The following GPC5 variants were observed in gnomAD, a reference collection of about 807,000 sequenced individuals.
GPC5 encodes glypican 5.
In GPC5, 47 loss-of-function variants were observed where a neutral mutation model predicts 53.9. The observed-to-expected ratio is 0.87, with a 90% confidence interval of 0.69 to 1.11. The LOEUF (loss-of-function observed/expected upper bound fraction) is 1.11, where lower values mean the gene tolerates loss of function less well. Among genes scored for constraint, GPC5 ranks in the 50% most tolerant of loss-of-function variants. The probability of loss-of-function intolerance (pLI) is 0.00; values close to 1 mark genes in which losing one functional copy is unlikely to be tolerated. For synonymous variants in GPC5, 286 were observed against 263.3 expected (o/e 1.09, Z -0.84); for missense variants, 748 against 713.1 (o/e 1.05, Z -0.56).
intron 6 of GPC5, among the ~76,000 whole-genome samples, chr13:92,124,275 T>TAAAAAAA (rs2041676442): frequency 8.7e-6 from 1 of 114,860 alleles, no homozygotes; most frequent in African/African-American, 3.7e-5. Context: ...AAAAAAAAAC[T>TAAAAAAA]AGTTCTCTCA....
intron 7 of GPC5, among the ~76,000 whole-genome samples, chr13:92,503,395 C>A (rs1444679604): frequency 6.6e-6 from 1 of 151,574 alleles, no homozygotes. Flanking sequence ...GCAGCTAAAG[C>A]AGTGCTTAGC....
chr13:91,831,866 G>A (rs1255587842), intron 5 of GPC5, among the ~76,000 whole-genome samples: 1 of 152,028 alleles, frequency 6.6e-6, no homozygotes, highest in African/African-American at 2.4e-5. Flanking sequence ...GCTGAGGAGT[G>A]CTTTACTTCC....
At chr13:92,060,996 A>G (rs1486037984) in intron 6 of GPC5, among the ~76,000 whole-genome samples, 1 of 152,004 alleles carries the variant, frequency 6.6e-6, no homozygotes, top group East Asian at 1.9e-4. Context: ...TAAGACAATG[A>G]CTGCAAAACA....
At chr13:91,905,850 C>T (rs538400950) in intron 5 of GPC5, among the ~76,000 whole-genome samples, 1 of 152,032 alleles carries the variant, frequency 6.6e-6, no homozygotes, top group Admixed American at 6.6e-5. Flanking sequence ...TGTAAGCAAA[C>T]AAATTACTCA....
At chr13:91,893,864 C>T (rs181551256) in intron 5 of GPC5, among the ~76,000 whole-genome samples, 50 of 151,804 alleles carry the variant, frequency 3.3e-4, no homozygotes, top group African/African-American at 9.2e-4. Flanking sequence ...ACAAAATCCC[C>T]GTGTGGCCTT....
At chr13:92,755,031 T>A (rs1486438208) in intron 7 of GPC5, among the ~76,000 whole-genome samples, 1 of 152,094 alleles carries the variant, frequency 6.6e-6, no homozygotes, top group African/African-American at 2.4e-5. Flanking sequence ...ATATACATTT[T>A]TTCAGCACCA....
intron 7 of GPC5, among the ~76,000 whole-genome samples, chr13:92,301,390 G>T (rs1210761640): frequency 4.6e-5 from 7 of 152,144 alleles, no homozygotes; most frequent in Admixed American, 4.6e-4. Flanking sequence ...TGATACTGAT[G>T]TGTAGATAAG....
intron 7 of GPC5, among the ~76,000 whole-genome samples, chr13:92,577,414 G>GTA (rs1290829997): frequency 5.0e-5 from 7 of 139,218 alleles, no homozygotes; most frequent in South Asian, 2.3e-4. Context: ...AAGTATGTAT[G>GTA]TATATGTGTG....
intron 7 of GPC5, among the ~76,000 whole-genome samples, chr13:92,656,621 A>G (rs1886146021): frequency 6.6e-6 from 1 of 152,160 alleles, no homozygotes; most frequent in South Asian, 2.1e-4. Context: ...CTTTCAAATG[A>G]ATTAGCCTAC....
At chr13:91,492,467 A>T (rs1420265250) in intron 2 of GPC5, among the ~76,000 whole-genome samples, 3 of 152,168 alleles carry the variant, frequency 2.0e-5, no homozygotes, top group Non-Finnish European at 4.4e-5. Flanking sequence ...TCCTGGTCTG[A>T]GTCTGTAAGC....
At chr13:91,728,709 C>A in intron 4 of GPC5, 44 bp downstream of exon 4, 1 of 1,578,914 alleles carries the variant, frequency 6.3e-7, no homozygotes, top group Non-Finnish European at 8.6e-7. Context: ...AGAAAGTAAG[C>A]CATTAATTTT....
chr13:92,743,418 T>C (rs2139314672), intron 7 of GPC5, among the ~76,000 whole-genome samples: 1 of 152,290 alleles, frequency 6.6e-6, no homozygotes, highest in African/African-American at 2.4e-5. Flanking sequence ...ATGCTTGTGA[T>C]TTTTGCACAT....
intron 2 of GPC5, among the ~76,000 whole-genome samples, chr13:91,503,813 T>TC (rs1323635685): frequency 7.5e-5 from 11 of 147,316 alleles, no homozygotes; most frequent in African/African-American, 2.7e-4. Flanking sequence ...ATAATAATAA[T>TC]AATAATCAGG....
chr13:92,485,704 G>A (rs917150865), intron 7 of GPC5, among the ~76,000 whole-genome samples: 1 of 152,182 alleles, frequency 6.6e-6, no homozygotes, highest in South Asian at 2.1e-4. Flanking sequence ...GGCCAGGCAC[G>A]TTGGCACATG....
In GPC5 at chr13:91,903,740, T is replaced by C. The variant is rs1371454449; in HGVS notation, c.1281-4197T>C. ...AATAATATAACAGCTTGGAATGAGA[T>C]TTTTATCAGCTATAATTATAATACA... On this transcript the variant is annotated intron_variant, in intron 5 of 7. Coordinates refer to ENST00000377067, the MANE Select transcript of GPC5 (RefSeq NM_004466.6). 2.0e-5 allele frequency among the ~76,000 whole-genome samples: 3 copies of C among 152,124 alleles called. No homozygotes were observed. The East Asian group carries it at 5.8e-4, about 29-fold the overall frequency.
At chr13:91,644,334 T>C (rs1398628649) in intron 2 of GPC5, among the ~76,000 whole-genome samples, 4 of 152,198 alleles carry the variant, frequency 2.6e-5, no homozygotes, top group Non-Finnish European at 5.9e-5. Flanking sequence ...GTAGCAGAGT[T>C]AGGATGCAAA....
At chr13:92,795,554 C>T (rs1270874379) in intron 7 of GPC5, among the ~76,000 whole-genome samples, 1 of 151,986 alleles carries the variant, frequency 6.6e-6, no homozygotes. Context: ...TAAAGAATTT[C>T]TGCACGGCAA....
chr13:92,417,741 A>T (rs981191966), intron 7 of GPC5, among the ~76,000 whole-genome samples: 2 of 152,118 alleles, frequency 1.3e-5, no homozygotes, highest in Non-Finnish European at 1.5e-5. Context: ...AATAAAAAAA[A>T]TTAGCCTGAT....
At chr13:92,216,950 G>C (rs1229567432) in intron 7 of GPC5, among the ~76,000 whole-genome samples, 1 of 146,406 alleles carries the variant, frequency 6.8e-6, no homozygotes, top group Non-Finnish European at 1.5e-5. Flanking sequence ...CTGGGCTCCA[G>C]CCTGGGCGAT....
Sources: gnomAD v4.1 joint callset for allele counts (sites outside exome capture counted in the v4.1 genomes callset) on GRCh38, gnomAD v4.1.1 for gene constraint, MANE v1.5 for transcripts, NCBI Gene and HGNC (gene_info 2026-07-23, HGNC 2026-07-21) for gene names.